The following EIF2B3 variants were observed in gnomAD, a reference collection of about 807,000 sequenced individuals.
The protein encoded by EIF2B3 is eukaryotic translation initiation factor 2B subunit gamma, also known as translation initiation factor eIF2B subunit gamma.
In EIF2B3, 20 loss-of-function variants were observed where a neutral mutation model predicts 54.1. The observed-to-expected ratio is 0.37, with a 90% CI of 0.26 to 0.54. The LOEUF (loss-of-function observed/expected upper bound fraction) is 0.54. EIF2B3 is among the 20% of genes least tolerant of loss of function. The pLI, the probability that EIF2B3 is intolerant of heterozygous loss-of-function variation, is 0.86. For missense variants in EIF2B3, 448 were observed against 547.8 expected (o/e 0.82, Z 1.82); for synonymous variants, 153 against 188.1 (o/e 0.81, Z 1.52).
intron 10 of EIF2B3, among the ~76,000 whole-genome samples, chr1:44,865,602 A>G (rs1045308550): frequency 1.4e-5 from 2 of 147,366 alleles, no homozygotes; most frequent in African/African-American, 2.5e-5. Flanking sequence ...TTTTTCCAAG[A>G]TGGAGTTTTG....
At chr1:44,947,241 A>G (rs1218829786) in intron 3 of EIF2B3, among the ~76,000 whole-genome samples, 1 of 152,228 alleles carries the variant, frequency 6.6e-6, no homozygotes, top group Non-Finnish European at 1.5e-5. Flanking sequence ...TCTTGACAAT[A>G]TAGAAACATG....
intron 3 of EIF2B3, among the ~76,000 whole-genome samples, chr1:44,976,411 T>C (rs904483166): frequency 6.6e-6 from 1 of 152,174 alleles, no homozygotes; most frequent in African/African-American, 2.4e-5. Flanking sequence ...ACTACATACA[T>C]ACCTACTAGA....
chr1:44,880,054 A>C, intron 7 of EIF2B3, 46 bp from the exon 8 acceptor site: 2 of 1,579,148 alleles, frequency 1.3e-6, no homozygotes, highest in Non-Finnish European at 1.7e-6. Context: ...GAGAGAGATA[A>C]CAGAACAGAT....
chr1:44,855,158 G>C (rs1366985747), intron 11 of EIF2B3, among the ~76,000 whole-genome samples: 1 of 151,978 alleles, frequency 6.6e-6, no homozygotes, highest in Admixed American at 6.6e-5. Flanking sequence ...TGTGGCAGGA[G>C]GGCACTGACC....
Position 44,874,664 on chromosome 1 carries a change from A to C in EIF2B3, c.1202+14T>G. ...CATTATCTTTGCCTCAAGTGGGTAC[A>C]GGGGGAAACATACCCTTCCTCCACA... On this transcript the variant is annotated intron_variant, in intron 10 of 11. Coordinates refer to ENST00000360403, the MANE Select transcript of EIF2B3 (RefSeq NM_020365.5). 1 of 1,613,968 alleles carries C rather than the reference A, an allele frequency of 6.2e-7. No homozygotes were observed.
At chr1:44,889,273 C>T (rs959574121) in intron 6 of EIF2B3, among the ~76,000 whole-genome samples, 9 of 152,168 alleles carry the variant, frequency 5.9e-5, no homozygotes, top group South Asian at 2.1e-4. Flanking sequence ...TGGTGGCTCA[C>T]GCCTGTAATC....
chr1:44,921,795 T>C lies in EIF2B3; in HGVS notation c.566+4833A>G, dbSNP rs530754979. 9.2e-5 allele frequency among the ~76,000 whole-genome samples: 14 copies of C among 152,280 alleles called. No individual in the cohort carries two copies. In the South Asian group the frequency reaches 2.9e-3, roughly 32 times the overall value. On this transcript the variant is annotated intron_variant, in intron 5 of 11. Coordinates refer to ENST00000360403, the MANE Select transcript of EIF2B3 (RefSeq NM_020365.5). ...TGCTGTTTTGGTTACCAAAGCTCTG[T>C]AGTATAATTTGAAGTCAGGTAATAT... is the stretch of plus-strand genomic sequence containing the variant.
chr1:44,889,207 G>C (rs1053719733), intron 6 of EIF2B3, among the ~76,000 whole-genome samples: 1 of 152,218 alleles, frequency 6.6e-6, no homozygotes, highest in African/African-American at 2.4e-5. Context: ...AGTGTGGCTA[G>C]AGTCGGGTAA....
chr1:44,973,432 A>G (rs1171962269), intron 3 of EIF2B3, among the ~76,000 whole-genome samples: 1 of 152,210 alleles, frequency 6.6e-6, no homozygotes. Context: ...TATGCTAAGT[A>G]AGCCAATCAC....
rs535759905 is a variant in EIF2B3, at chr1:44,885,580, A to G, written c.657-3841T>C. Among the ~76,000 whole-genome samples the G allele has an allele frequency of 4.1e-4, 63 of 152,334 alleles. No individual in the cohort carries two copies. In the South Asian group the frequency reaches 0.013, roughly 31 times the overall value. ...AAGTCTATCCTAAGGAAAATATATT[A>G]CTCAGTAAATATTTGCTGAATAGAT... is the stretch of plus-strand genomic sequence containing the variant. On this transcript the variant is annotated intron_variant, in intron 6 of 11. Coordinates refer to ENST00000360403, the MANE Select transcript of EIF2B3 (RefSeq NM_020365.5).
chr1:44,952,413 A>G (rs1010436522), intron 3 of EIF2B3, among the ~76,000 whole-genome samples: 1 of 151,748 alleles, frequency 6.6e-6, no homozygotes, highest in African/African-American at 2.4e-5. Context: ...CTGACTCTTA[A>G]CTGGTGGCTT....
At chr1:44,877,409 C>T (rs371611715) in intron 8 of EIF2B3, among the ~76,000 whole-genome samples, 2 of 151,962 alleles carry the variant, frequency 1.3e-5, no homozygotes, top group South Asian at 4.2e-4. Context: ...AAAGTAATGC[C>T]ATGTCCCTTG....
At chr1:44,911,133 AT>A (rs1294052627) in intron 5 of EIF2B3, among the ~76,000 whole-genome samples, 2 of 152,372 alleles carry the variant, frequency 1.3e-5, no homozygotes, top group Admixed American at 6.5e-5. Context: ...CTGTATTCTC[AT>A]AATCAGAAAG....
rs1017202330 is a variant in EIF2B3 at position 44,938,141 on chromosome 1, G to A, written c.454+3365C>T. On this transcript the variant is annotated intron_variant, in intron 4 of 11. Coordinates refer to ENST00000360403, the MANE Select transcript of EIF2B3 (RefSeq NM_020365.5). ...ATCTAGACTATTAAACAATATCTGGGAAACAGTGGACTGCAGGCTGTTCTG... is the reference window on the plus strand; with the variant it reads ...ATCTAGACTATTAAACAATATCTGGAAAACAGTGGACTGCAGGCTGTTCTG... Among the ~76,000 whole-genome samples, 9 of 151,986 alleles carry A rather than the reference G, an allele frequency of 5.9e-5. 1 individual carries two copies. Among genetic ancestry groups the A allele is most frequent in the African/African-American group, 2.2e-4 (9 of 41,364 alleles).
chr1:44,910,992 T>C (rs1274285826), intron 5 of EIF2B3, among the ~76,000 whole-genome samples: 1 of 152,158 alleles, frequency 6.6e-6, no homozygotes, highest in African/African-American at 2.4e-5. Context: ...TTAAAAAAAC[T>C]TTACAAGAAG....
intron 4 of EIF2B3, among the ~76,000 whole-genome samples, chr1:44,934,806 C>T (rs1332073425): frequency 6.6e-6 from 1 of 151,958 alleles, no homozygotes; most frequent in South Asian, 2.1e-4. Context: ...GCCTGGCCCA[C>T]TTTATTTTTT....
intron 3 of EIF2B3, chr1:44,958,890 A>G (rs1644255627): frequency 1.2e-6 from 1 of 832,926 alleles, no homozygotes; most frequent in East Asian, 2.4e-5. Context: ...ACACAATTTC[A>G]TCAAGGCTGA....
chr1:44,882,117 AATTT>A (rs1655419960), intron 6 of EIF2B3, among the ~76,000 whole-genome samples: 1 of 152,234 alleles, frequency 6.6e-6, no homozygotes, highest in Admixed American at 6.5e-5. Flanking sequence ...ATTGCTAATT[AATTT>A]ATGTAGCATT....
chr1:44,874,262 G>A (rs1233742852), intron 10 of EIF2B3, among the ~76,000 whole-genome samples: 2 of 152,094 alleles, frequency 1.3e-5, no homozygotes, highest in Non-Finnish European at 2.9e-5. Context: ...TGCCTAAATC[G>A]ACTTTCAAAT....
Sources: gnomAD v4.1 joint callset for allele counts (sites outside exome capture counted in the v4.1 genomes callset) on GRCh38, gnomAD v4.1.1 for gene constraint, MANE v1.5 for transcripts, NCBI Gene and HGNC (gene_info 2026-07-23, HGNC 2026-07-21) for gene names.